The following KIAA0825 variants were observed in gnomAD, a reference collection of about 807,000 sequenced individuals.
The protein encoded by KIAA0825 is KIAA0825, also known as uncharacterized protein KIAA0825.
In KIAA0825, 119 loss-of-function variants were observed where a neutral mutation model predicts 147.6. The ratio of observed to expected loss-of-function variants is 0.81; its 90% CI spans 0.69 to 0.94. The LOEUF is 0.94. Ranked by LOEUF, KIAA0825 falls within the 40% of genes least tolerant of loss-of-function variation. The pLI is 0.00. For missense variants in KIAA0825, 1,381 were observed against 1,472.7 expected, an observed-to-expected ratio of 0.94 and a Z score of 1.02; for synonymous variants, 470 against 518.1, an observed-to-expected ratio of 0.91 and a Z score of 1.26.
At chr5:94,186,750 G>A (rs920749008) in intron 20 of KIAA0825, among the ~76,000 whole-genome samples, 5 of 152,172 alleles carry the variant, frequency 3.3e-5, no homozygotes, top group African/African-American at 9.7e-5. Context: ...AACTGAGAAA[G>A]GACATAGTTT....
rs1768024045 is a variant in KIAA0825 at position 94,520,761 on chromosome 5, A to C, written c.457T>G (p.Ser153Ala). 1.9e-6 allele frequency: 3 copies of C among 1,613,224 alleles called. No homozygotes were observed. Among genetic ancestry groups the C allele is most frequent in the African/African-American group, 2.7e-5 (2 of 74,900 alleles). The change falls in exon 5 of 21, where the codon TCC (serine) becomes GCC (alanine). Residue 153 changes from serine to alanine, a missense_variant. Transcript: ENST00000682413. The stretch of plus-strand genomic sequence containing the variant: ...CACATAGACTTGACATCCATAGAGG[A>C]ATTATCTTCAACAGAATGAAGAGAC... ...RTSLHSVEDN[S>A]SMDVKSMWDD...
intron 5 of KIAA0825, among the ~76,000 whole-genome samples, chr5:94,504,337 T>A (rs1765451043): frequency 6.6e-6 from 1 of 152,146 alleles, no homozygotes; most frequent in African/African-American, 2.4e-5. Context: ...GTGCTCTCAC[T>A]CACACCAAGC....
At chr5:94,358,913 C>T (rs933338453) in intron 20 of KIAA0825, among the ~76,000 whole-genome samples, 1 of 152,172 alleles carries the variant, frequency 6.6e-6, no homozygotes, top group African/African-American at 2.4e-5. Flanking sequence ...ATTATCATCA[C>T]AATCATTGCT....
At chr5:94,392,595 C>T (rs1442741630) in intron 17 of KIAA0825, among the ~76,000 whole-genome samples, 1 of 152,172 alleles carries the variant, frequency 6.6e-6, no homozygotes, top group Admixed American at 6.5e-5. Flanking sequence ...TGTAAGTATT[C>T]TTAAAACTCA....
intron 20 of KIAA0825, among the ~76,000 whole-genome samples, chr5:94,207,767 T>G (rs138534011): frequency 6.6e-6 from 1 of 152,316 alleles, no homozygotes; most frequent in East Asian, 1.9e-4. Flanking sequence ...AAATCTTTCT[T>G]GTGCTTCCAG....
chr5:94,489,567 A>AC (rs1479619343), intron 5 of KIAA0825, among the ~76,000 whole-genome samples: 1 of 149,356 alleles, frequency 6.7e-6, no homozygotes, highest in African/African-American at 2.5e-5. Flanking sequence ...AACACCAGTG[A>AC]CTTAAAAAAA....
In KIAA0825 at chr5:94,391,709, A is replaced by G. The variant is rs1162775428; in HGVS notation, c.3297-15T>C. On this transcript the variant is annotated splice_polypyrimidine_tract_variant and intron_variant, in intron 17 of 20. Coordinates refer to ENST00000682413, the MANE Select transcript of KIAA0825 (RefSeq NM_001145678.3). ...TCATAAATGCACTAAATACAAAGAAAGCATATACATATCAGTAGTGAAGAA... is the reference window on the plus strand; with the variant it reads ...TCATAAATGCACTAAATACAAAGAAGGCATATACATATCAGTAGTGAAGAA... 6.6e-7 allele frequency: 1 copy of G among 1,514,462 alleles called. No individual in the cohort carries two copies. Among genetic ancestry groups the G allele is most frequent in the Admixed American group, 2.1e-5 (1 of 47,136 alleles). 93.8% of individuals were successfully genotyped at this position (1,514,462 alleles called of 1,614,324 possible). A position where few individuals can be genotyped will look rare whatever the true frequency, so the allele number is the denominator to read the frequency against.
At chr5:94,577,920 T>C (rs1469319177) in intron 2 of KIAA0825, among the ~76,000 whole-genome samples, 3 of 152,232 alleles carry the variant, frequency 2.0e-5, no homozygotes, top group African/African-American at 7.2e-5. Flanking sequence ...GTTAACACAT[T>C]CCATTTTGAC....
intron 20 of KIAA0825, among the ~76,000 whole-genome samples, chr5:94,271,065 T>C (rs985561442): frequency 6.6e-6 from 1 of 152,154 alleles, no homozygotes; most frequent in South Asian, 2.1e-4. Flanking sequence ...TATATTTTAC[T>C]AGACAATTTG....
At chr5:94,461,565 A>C (rs1446139330) in intron 12 of KIAA0825, among the ~76,000 whole-genome samples, 1 of 151,962 alleles carries the variant, frequency 6.6e-6, no homozygotes, top group Non-Finnish European at 1.5e-5. Flanking sequence ...CAATGGGTTT[A>C]TTGAAAGTCA....
At chr5:94,318,836 G>A (rs1779899658) in intron 20 of KIAA0825, among the ~76,000 whole-genome samples, 1 of 152,028 alleles carries the variant, frequency 6.6e-6, no homozygotes, top group Admixed American at 6.6e-5. Flanking sequence ...GACCAGGAAC[G>A]TTGGCATTGT....
At chr5:94,296,259 C>T (rs1393119300) in intron 20 of KIAA0825, among the ~76,000 whole-genome samples, 1 of 152,148 alleles carries the variant, frequency 6.6e-6, no homozygotes, top group Non-Finnish European at 1.5e-5. Context: ...CCTCCCACCA[C>T]CAAGCTCGAG....
intron 20 of KIAA0825, among the ~76,000 whole-genome samples, chr5:94,308,858 C>T (rs1182952503): frequency 1.4e-5 from 2 of 143,548 alleles, no homozygotes; most frequent in African/African-American, 4.9e-5. Context: ...AGAGGGAGAA[C>T]TCTTTGCCAT....
chr5:94,154,477 T>C (rs1766845696), intron 20 of KIAA0825, among the ~76,000 whole-genome samples: 1 of 152,200 alleles, frequency 6.6e-6, no homozygotes, highest in African/African-American at 2.4e-5. Flanking sequence ...TTCATAGCAT[T>C]TTTTCCCTCA....
intron 20 of KIAA0825, among the ~76,000 whole-genome samples, chr5:94,219,390 C>G (rs1773489178): frequency 6.6e-6 from 1 of 152,142 alleles, no homozygotes; most frequent in Non-Finnish European, 1.5e-5. Context: ...GCTGTGTGGC[C>G]TGGTCCCCAA....
intron 20 of KIAA0825, among the ~76,000 whole-genome samples, chr5:94,272,140 A>C: frequency 7.1e-6 from 1 of 141,406 alleles, no homozygotes; most frequent in Non-Finnish European, 1.5e-5. Context: ...AAACTAAGAC[A>C]ATTGAACTCA....
chr5:94,253,503 C>T (rs1776085625), intron 20 of KIAA0825, among the ~76,000 whole-genome samples: 1 of 152,068 alleles, frequency 6.6e-6, no homozygotes, highest in Admixed American at 6.6e-5. Context: ...TGGGTTAATA[C>T]ATCATGGAGC....
chr5:94,477,729 C>T (rs1762053408), intron 6 of KIAA0825, among the ~76,000 whole-genome samples: 1 of 151,954 alleles, frequency 6.6e-6, no homozygotes, highest in Non-Finnish European at 1.5e-5. Context: ...ATTTAAAAAA[C>T]ACAAACTCTG....
At chr5:94,407,313 C>A (rs1465988137) in intron 15 of KIAA0825, among the ~76,000 whole-genome samples, 1 of 152,170 alleles carries the variant, frequency 6.6e-6, no homozygotes, top group Non-Finnish European at 1.5e-5. Context: ...GCCTTCAATT[C>A]TCTGGCAGTT....
Sources: gnomAD v4.1 joint callset for allele counts (sites outside exome capture counted in the v4.1 genomes callset) on GRCh38, gnomAD v4.1.1 for gene constraint, MANE v1.5 for transcripts, NCBI Gene and HGNC (gene_info 2026-07-23, HGNC 2026-07-21) for gene names.